Variants in ZNF365 observed in about 807,000 individuals in gnomAD.
The protein encoded by ZNF365 is protein ZNF365.
Under a neutral mutation model 35.0 loss-of-function variants are expected in ZNF365, and 22 were observed. That is an observed-to-expected ratio of 0.63 (90% CI 0.45 to 0.90). The LOEUF is 0.90. Ranked by LOEUF, ZNF365 falls within the 40% of genes least tolerant of loss-of-function variation. ZNF365 has a pLI of 0.00. For missense variants in ZNF365, 448 were observed against 500.3 expected (o/e 0.90, Z 1.00); for synonymous variants, 188 against 196.2 (o/e 0.96, Z 0.35).
At position 62,459,754 on chromosome 10, in the gene ZNF365, C is replaced by CT; in HGVS notation, c.939dup (p.Gly314TrpfsTer10). 1 of 1,610,442 alleles carries CT rather than the reference C, an allele frequency of 6.2e-7. No individual in the cohort carries two copies. ...TTTTCCTTTCAGAGCTGGAAAGGTG[C>CT]TGGCGAAGCTCGCCTGGTGTGCCAA... On this transcript the variant is annotated frameshift_variant, in exon 4 of 5. Coordinates refer to the ZNF365 transcript ENST00000395255. LOFTEE classifies it low-confidence loss of function (END_TRUNC).
rs577852189 is a variant in ZNF365 at position 62,394,439 on chromosome 10, C to T, written c.925-4301C>T. Among the ~76,000 whole-genome samples, 60 of 152,268 alleles carry T rather than the reference C, an allele frequency of 3.9e-4. No homozygotes were observed. In the Middle Eastern group the frequency reaches 0.01, roughly 26 times the overall value. The stretch of plus-strand genomic sequence containing the variant: ...ATGTGTTAAATGAATTACTGCTAGT[C>T]CTGATGTAGCAACCTGCAGGACATA... On this transcript the variant is annotated intron_variant, in intron 3 of 4. Transcript: ENST00000395254.
At chr10:62,440,838 C>T (rs796262982) in intron 3 of ZNF365, among the ~76,000 whole-genome samples, 26 of 152,298 alleles carry the variant, frequency 1.7e-4, no homozygotes, top group African/African-American at 6.0e-4. Flanking sequence ...CAGTGCCTGG[C>T]AAAGTCCTTC....
intron 4 of ZNF365, among the ~76,000 whole-genome samples, chr10:62,467,208 T>C (rs1416746571): frequency 1.3e-5 from 2 of 152,268 alleles, no homozygotes; most frequent in African/African-American, 4.8e-5. Flanking sequence ...TCTTTTGTTG[T>C]GTGATTTGTC....
Position 62,414,748 on chromosome 10 carries a change from C to G in ZNF365, c.924+26172C>G, listed in dbSNP as rs531752087. ...TTTGTATTCATAGTGCTTGTGGTTG[C>G]TTCTTGAATCTGTGGCTATTATCGT... On this transcript the variant is annotated intron_variant, in intron 3 of 4. Coordinates refer to the ZNF365 transcript ENST00000395255. 5.3e-5 allele frequency among the ~76,000 whole-genome samples: 8 copies of G among 152,284 alleles called. No homozygotes were observed. The South Asian group carries it at 1.2e-3, about 24-fold the overall frequency.
intron 3 of ZNF365, among the ~76,000 whole-genome samples, chr10:62,455,831 G>T (rs186258711): frequency 1.9e-4 from 29 of 152,292 alleles, no homozygotes; most frequent in Non-Finnish European, 3.5e-4. Context: ...AGTACAGAAA[G>T]ATCAATGTGA....
chr10:62,447,301 T>A (rs921571496), intron 3 of ZNF365, among the ~76,000 whole-genome samples: 4 of 152,098 alleles, frequency 2.6e-5, no homozygotes, highest in Non-Finnish European at 5.9e-5. Flanking sequence ...AACTAAAAAA[T>A]ATATATATAT....
intron 3 of ZNF365, among the ~76,000 whole-genome samples, chr10:62,457,529 G>A (rs1408212244): frequency 6.6e-6 from 1 of 152,220 alleles, no homozygotes; most frequent in East Asian, 1.9e-4. Context: ...GGTTCTGCTA[G>A]CTACATATAG....
At position 62,401,227 on chromosome 10, in the gene ZNF365, G is replaced by A; in HGVS notation, c.*1438G>A. On this transcript the variant is annotated 3_prime_UTR_variant, in exon 5 of 5. Coordinates refer to ENST00000395254, the MANE Select transcript of ZNF365 (RefSeq NM_014951.3). ...ATGGAGAAAGTGTGTGTTTGTGGTGGGTGGTTTTTAAACTATATATGTTTG... is the reference window on the plus strand; with the variant it reads ...ATGGAGAAAGTGTGTGTTTGTGGTGAGTGGTTTTTAAACTATATATGTTTG... 2.0e-6 allele frequency: 2 copies of A among 984,744 alleles called. No homozygotes were observed. The highest frequency in any genetic ancestry group is 2.4e-6 in the Non-Finnish European group (2 of 829,458). 61.0% of individuals were successfully genotyped at this position (984,744 alleles called of 1,614,324 possible).
At chr10:62,455,561 G>C (rs1840748964) in intron 3 of ZNF365, among the ~76,000 whole-genome samples, 1 of 151,562 alleles carries the variant, frequency 6.6e-6, no homozygotes, top group Non-Finnish European at 1.5e-5. Flanking sequence ...CTGTATATGA[G>C]AGATAAAAAT....
intron 3 of ZNF365, among the ~76,000 whole-genome samples, chr10:62,440,563 G>A (rs1215868135): frequency 6.6e-6 from 1 of 152,082 alleles, no homozygotes; most frequent in African/African-American, 2.4e-5. Context: ...GAGAGAGAAG[G>A]GAAGAAAGTT....
chr10:62,462,694 G>C (rs1202927432), intron 4 of ZNF365, among the ~76,000 whole-genome samples: 3 of 152,228 alleles, frequency 2.0e-5, no homozygotes, highest in South Asian at 4.1e-4. Flanking sequence ...GGGGGTGTGA[G>C]AGCAGCCCAA....
chr10:62,431,064 A>G (rs1193840280), intron 3 of ZNF365, among the ~76,000 whole-genome samples: 2 of 152,222 alleles, frequency 1.3e-5, no homozygotes, highest in Non-Finnish European at 2.9e-5. Context: ...AGCAGTTGGT[A>G]AAAGTCAAAT....
rs527460510 is a variant in ZNF365, at chr10:62,434,305, G to A, written c.925-25436G>A. 9.2e-5 allele frequency among the ~76,000 whole-genome samples: 14 copies of A among 152,100 alleles called. No individual in the cohort carries two copies. In the South Asian group the frequency reaches 2.9e-3, roughly 32 times the overall value. On this transcript the variant is annotated intron_variant, in intron 3 of 4. Transcript: ENST00000395255. ...TTTTTTTTTCTCCCTGTAAATTGGA[G>A]AAACAACAATCAAATGAAAAACAAA...
intron 4 of ZNF365, among the ~76,000 whole-genome samples, chr10:62,463,411 C>T (rs913494100): frequency 4.6e-5 from 7 of 152,176 alleles, no homozygotes; most frequent in African/African-American, 1.7e-4. Flanking sequence ...TAGTAATTGC[C>T]CTCTGGGCTC....
At chr10:62,477,950 A>G (rs991144802) in intron 4 of ZNF365, among the ~76,000 whole-genome samples, 2 of 152,214 alleles carry the variant, frequency 1.3e-5, no homozygotes, top group African/African-American at 4.8e-5. Context: ...GAAAGGTAAT[A>G]CAAACTCTCA....
At chr10:62,376,050 T>C (rs936397986) in intron 1 of ZNF365, 131 bp from the exon 2 acceptor site, 3 of 987,904 alleles carry the variant, frequency 3.0e-6, no homozygotes, top group Non-Finnish European at 4.5e-6. Flanking sequence ...AGGTTTTAAG[T>C]GCAACATAAA....
At chr10:62,474,547 T>C (rs1385689268) in intron 4 of ZNF365, among the ~76,000 whole-genome samples, 1 of 152,166 alleles carries the variant, frequency 6.6e-6, no homozygotes, top group African/African-American at 2.4e-5. Flanking sequence ...CTCCAGTTCC[T>C]CTAAGGAAAC....
intron 2 of ZNF365, among the ~76,000 whole-genome samples, chr10:62,385,218 A>G (rs995998811): frequency 6.6e-6 from 1 of 152,220 alleles, no homozygotes; most frequent in African/African-American, 2.4e-5. Flanking sequence ...AAATTAGGTT[A>G]GCAGTTTGTG....
intron 3 of ZNF365, among the ~76,000 whole-genome samples, chr10:62,419,415 C>T (rs189612885): frequency 4.0e-4 from 60 of 150,050 alleles, no homozygotes; most frequent in African/African-American, 1.4e-3. Flanking sequence ...AAAGGGAGGA[C>T]AGCTATCTAG....
Sources: allele counts gnomAD v4.1 joint callset (sites outside exome capture counted in the v4.1 genomes callset), GRCh38; gene constraint gnomAD v4.1.1; transcripts MANE v1.5; gene names NCBI Gene and HGNC (gene_info 2026-07-23, HGNC 2026-07-21).